The following FREM2 variants were observed in gnomAD, a reference collection of about 807,000 sequenced individuals.
The protein encoded by FREM2 is FRAS1-related extracellular matrix protein 2.
A neutral mutation model predicts 219.9 loss-of-function variants in FREM2; 119 were observed. The observed-to-expected ratio is 0.54, with a 90% confidence interval of 0.47 to 0.63. FREM2 has a LOEUF of 0.63. Among genes scored for constraint, FREM2 ranks in the 30% least tolerant of loss-of-function variants. FREM2 has a pLI of 0.00. For synonymous variants in FREM2, 1,562 were observed against 1,522.8 expected, an observed-to-expected ratio of 1.03 and a Z score of -0.60; for missense variants, 4,030 against 3,993.6, an observed-to-expected ratio of 1.01 and a Z score of -0.25.
At chr13:38,823,654 AAAT>A (rs1015548762) in intron 6 of FREM2, among the ~76,000 whole-genome samples, 3 of 152,044 alleles carry the variant, frequency 2.0e-5, no homozygotes, top group Admixed American at 2.0e-4. Context: ...TAATGCCTCA[AAAT>A]TCAGCTGCCA....
chr13:38,877,001 T>G (rs1878362503), intron 20 of FREM2, 116 bp from the exon 21 acceptor site: 4 of 1,211,446 alleles, frequency 3.3e-6, no homozygotes, highest in Non-Finnish European at 4.9e-6. Flanking sequence ...GTGTGAAAAT[T>G]GCGATGCAGT....
At chr13:38,729,312 CT>C (rs1264071250) in intron 2 of FREM2, among the ~76,000 whole-genome samples, 4 of 151,964 alleles carry the variant, frequency 2.6e-5, no homozygotes, top group African/African-American at 9.7e-5. Context: ...TGATGCTTTT[CT>C]TTTGCTGAAT....
At chr13:38,729,637 GT>G (rs1871683723) in intron 2 of FREM2, among the ~76,000 whole-genome samples, 1 of 152,122 alleles carries the variant, frequency 6.6e-6, no homozygotes, top group Non-Finnish European at 1.5e-5. Flanking sequence ...TCGTTTGTGA[GT>G]GATGCAGTAC....
In FREM2 at chr13:38,882,454, G is replaced by A. The variant is rs892220239; in HGVS notation, c.*1667G>A. ...TTGATCAAGATAAGGAAGCAACACT[G>A]ATACTGAGAGAGAGGTCATATGTCC... On this transcript the variant is annotated 3_prime_UTR_variant, in exon 24 of 24. Coordinates refer to ENST00000280481, the MANE Select transcript of FREM2 (RefSeq NM_207361.6). 6.6e-6 allele frequency: 1 copy of A among 152,102 alleles called. No homozygotes were observed. The highest frequency in any genetic ancestry group is 1.5e-5 in the Non-Finnish European group (1 of 68,000). The allele number at this position is 152,102 out of a possible 1,614,324, so 9.4% of individuals were successfully genotyped here.
At chr13:38,847,313 A>G (rs1287229646) in intron 7 of FREM2, among the ~76,000 whole-genome samples, 1 of 152,162 alleles carries the variant, frequency 6.6e-6, no homozygotes, top group East Asian at 1.9e-4. Context: ...TTTCTAAATG[A>G]CCAACAATAC....
chr13:38,715,274 C>CA (rs1255427757), intron 2 of FREM2, among the ~76,000 whole-genome samples: 7 of 152,086 alleles, frequency 4.6e-5, no homozygotes, highest in Non-Finnish European at 1.0e-4. Context: ...AGAAATCCCA[C>CA]CACATGTTTT....
At chr13:38,822,428 G>A (rs1042373265) in intron 6 of FREM2, among the ~76,000 whole-genome samples, 1 of 149,178 alleles carries the variant, frequency 6.7e-6, no homozygotes, top group African/African-American at 2.5e-5. Flanking sequence ...TGCCAGAGAA[G>A]GCTTTAAAAA....
At chr13:38,862,928 A>G (rs1019124792) in intron 15 of FREM2, among the ~76,000 whole-genome samples, 1 of 152,204 alleles carries the variant, frequency 6.6e-6, no homozygotes, top group Non-Finnish European at 1.5e-5. Flanking sequence ...CTCTGATGGC[A>G]GCATTGAACA....
intron 2 of FREM2, among the ~76,000 whole-genome samples, chr13:38,711,720 T>G (rs932211609): frequency 1.3e-5 from 2 of 152,128 alleles, no homozygotes; most frequent in Non-Finnish European, 2.9e-5. Flanking sequence ...CCCAAAAAAT[T>G]TAAAAGCACT....
intron 5 of FREM2, among the ~76,000 whole-genome samples, chr13:38,783,623 TAAA>T (rs777601145): frequency 7.2e-5 from 11 of 152,184 alleles, no homozygotes; most frequent in African/African-American, 2.4e-4. Context: ...TTTTATATAA[TAAA>T]AAATTAAAAT....
intron 2 of FREM2, among the ~76,000 whole-genome samples, chr13:38,705,504 G>A (rs372004185): frequency 2.6e-5 from 4 of 152,144 alleles, no homozygotes; most frequent in African/African-American, 7.2e-5. Context: ...AGTTAGAAGC[G>A]CAGCTTTAGG....
At chr13:38,727,791 G>A (rs1349306450) in intron 2 of FREM2, among the ~76,000 whole-genome samples, 10 of 151,138 alleles carry the variant, frequency 6.6e-5, no homozygotes, top group African/African-American at 2.5e-4. Context: ...CTTTTTTTCT[G>A]TTTTGCTTCT....
At chr13:38,765,242 A>C (rs1206055188) in intron 3 of FREM2, among the ~76,000 whole-genome samples, 1 of 152,186 alleles carries the variant, frequency 6.6e-6, no homozygotes, top group Non-Finnish European at 1.5e-5. Context: ...TAGAAGCATA[A>C]AATAAAGTTG....
At chr13:38,811,197 TTC>T (rs1436273997) in intron 6 of FREM2, among the ~76,000 whole-genome samples, 2 of 152,078 alleles carry the variant, frequency 1.3e-5, no homozygotes, top group Non-Finnish European at 2.9e-5. Context: ...TATTTGGATC[TTC>T]TCTCTTTTTT....
At chr13:38,756,729 A>G (rs531556239) in intron 2 of FREM2, among the ~76,000 whole-genome samples, 50 of 151,894 alleles carry the variant, frequency 3.3e-4, no homozygotes, top group African/African-American at 1.2e-3. Context: ...TAGTAGAGAC[A>G]GGGTTTCACC....
rs1878570761 is a variant in FREM2, at chr13:38,882,134, C to T, written c.*1347C>T. ...AACTTGAGTGAGCTTCCTTGGCAAG[C>T]CTCCCATTGCCTTTCTGCATCAATG... On this transcript the variant is annotated 3_prime_UTR_variant, in exon 24 of 24. Coordinates refer to ENST00000280481, the MANE Select transcript of FREM2 (RefSeq NM_207361.6). 6.6e-6 allele frequency: 1 copy of T among 152,144 alleles called. No individual in the cohort carries two copies. The highest frequency in any genetic ancestry group is 1.5e-5 in the Non-Finnish European group (1 of 68,026). 9.4% of individuals were successfully genotyped at this position (152,144 alleles called of 1,614,324 possible). A position where few individuals can be genotyped will look rare whatever the true frequency, so the allele number is the denominator to read the frequency against.
chr13:38,797,590 GT>G (rs1279270407), intron 6 of FREM2, among the ~76,000 whole-genome samples: 1 of 151,920 alleles, frequency 6.6e-6, no homozygotes, highest in Non-Finnish European at 1.5e-5. Flanking sequence ...TTCCTTTGAT[GT>G]TTAGAGGCTT....
At chr13:38,743,822 G>A (rs775377944) in intron 2 of FREM2, among the ~76,000 whole-genome samples, 3 of 152,006 alleles carry the variant, frequency 2.0e-5, no homozygotes, top group East Asian at 1.9e-4. Context: ...CTGTATCTAC[G>A]TCCCTAGCGT....
chr13:38,829,050 T>C (rs1370891271), intron 6 of FREM2, among the ~76,000 whole-genome samples: 1 of 152,144 alleles, frequency 6.6e-6, no homozygotes, highest in Admixed American at 6.6e-5. Context: ...GCATGTTATA[T>C]ATATTCTCTC....
Sources: gnomAD v4.1 joint callset for allele counts (sites outside exome capture counted in the v4.1 genomes callset) on GRCh38, gnomAD v4.1.1 for gene constraint, MANE v1.5 for transcripts, NCBI Gene and HGNC (gene_info 2026-07-23, HGNC 2026-07-21) for gene names.